The following FANCB variants were observed in gnomAD, a reference collection of about 807,000 sequenced individuals.
FANCB encodes Fanconi anemia group B protein.
FANCB carries 5 observed loss-of-function variants against 38.9 expected under a neutral mutation model. That is an observed-to-expected ratio of 0.13 (90% CI 0.07 to 0.27). The LOEUF is 0.27. Ranked by LOEUF, FANCB falls within the 10% of genes least tolerant of loss-of-function variation. The pLI is 1.00. For synonymous variants in FANCB, 236 were observed against 215.4 expected, an observed-to-expected ratio of 1.10 and a Z score of -0.84; for missense variants, 573 against 602.7, an observed-to-expected ratio of 0.95 and a Z score of 0.52.
chrX:14,841,276 G>A (rs1163919661), downstream of FANCB, among the ~76,000 whole-genome samples: 1 of 111,637 alleles, frequency 9.0e-6, no homozygotes, highest in Non-Finnish European at 1.9e-5. Context: ...TAGAAGACAA[G>A]GAAGAAAATG....
At chrX:14,811,983 T>A in the FANCB span, among the ~76,000 whole-genome samples, 276 of 111,744 alleles carry the variant, frequency 2.5e-3, no homozygotes, top group African/African-American at 8.7e-3. Flanking sequence ...CACAGTGCAA[T>A]CAAACTAGAA....
chrX:14,704,572 A>C, the FANCB span, among the ~76,000 whole-genome samples: 1 of 112,172 alleles, frequency 8.9e-6, no homozygotes, highest in African/African-American at 3.2e-5. Context: ...TGTTTTTAAC[A>C]AGCTGATTTG....
chrX:14,819,877 G>A, the FANCB span, among the ~76,000 whole-genome samples: 2 of 111,360 alleles, frequency 1.8e-5, no homozygotes, highest in Non-Finnish European at 3.8e-5. Flanking sequence ...TCCTAACACT[G>A]CCTGCTTAGT....
At chrX:14,757,560 C>G in the FANCB span, among the ~76,000 whole-genome samples, 1 of 111,833 alleles carries the variant, frequency 8.9e-6, no homozygotes, top group Non-Finnish European at 1.9e-5. Context: ...AAACACAGAC[C>G]CTCACTGGGG....
chrX:14,868,306 G>C (rs956879896), intron 2 of FANCB, among the ~76,000 whole-genome samples: 8 of 111,650 alleles, frequency 7.2e-5, no homozygotes, highest in Admixed American at 4.7e-4. Context: ...ATCAACCCAA[G>C]TGTCCAACAA....
the FANCB span, among the ~76,000 whole-genome samples, chrX:14,814,531 A>G: frequency 3.6e-5 from 4 of 112,620 alleles, no homozygotes; most frequent in African/African-American, 1.3e-4. Flanking sequence ...GACACTTTTC[A>G]AAAGAAGACA....
downstream of FANCB, among the ~76,000 whole-genome samples, chrX:14,831,884 T>A: frequency 9.0e-6 from 1 of 110,779 alleles, no homozygotes; most frequent in South Asian, 3.9e-4. Context: ...AATGGTAGCA[T>A]GAAATAGGGA....
the FANCB span, among the ~76,000 whole-genome samples, chrX:14,773,688 G>T: frequency 4.5e-5 from 5 of 111,764 alleles, no homozygotes; most frequent in African/African-American, 1.6e-4. Flanking sequence ...TAGCAGAATG[G>T]GATTGCTTGG....
the FANCB span, among the ~76,000 whole-genome samples, chrX:14,740,832 T>G: frequency 8.9e-6 from 1 of 111,884 alleles, no homozygotes; most frequent in Non-Finnish European, 1.9e-5. Context: ...CCACCTTGTA[T>G]AAATTAGCAC....
At chrX:14,819,151 A>G in the FANCB span, among the ~76,000 whole-genome samples, 5 of 112,160 alleles carry the variant, frequency 4.5e-5, no homozygotes, top group Admixed American at 1.9e-4. Context: ...GCTAGTGGTT[A>G]TGCATTAGGC....
chrX:14,812,169 G>A, the FANCB span, among the ~76,000 whole-genome samples: 1 of 109,949 alleles, frequency 9.1e-6, no homozygotes, highest in African/African-American at 3.3e-5. Context: ...AAAGCAGTGT[G>A]TAGAGGGAAA....
the FANCB span, among the ~76,000 whole-genome samples, chrX:14,708,636 G>A: frequency 9.0e-6 from 1 of 111,554 alleles, no homozygotes; most frequent in East Asian, 2.8e-4. Context: ...CACACAGCTG[G>A]GAGAAAAGAG....
the FANCB span, chrX:14,730,408 T>C: frequency 4.2e-6 from 5 of 1,203,995 alleles, no homozygotes; most frequent in Non-Finnish European, 5.6e-6. Flanking sequence ...TGCCTTCCCA[T>C]TGGCCTTCCT....
At chrX:14,835,026 A>G, downstream of FANCB, 1 of 589,984 alleles carries the variant, frequency 1.7e-6, no homozygotes, top group African/African-American at 2.2e-5. Context: ...CAACTGTAAG[A>G]GCGCTGGTGG....
At chrX:14,831,097 C>T (rs142265079), downstream of FANCB, among the ~76,000 whole-genome samples, 1 of 112,107 alleles carries the variant, frequency 8.9e-6, no homozygotes, top group Non-Finnish European at 1.9e-5. Context: ...GAATGAAGTA[C>T]AAGCTCCTTA....
At chrX:14,812,480 G>T in the FANCB span, among the ~76,000 whole-genome samples, 1 of 111,930 alleles carries the variant, frequency 8.9e-6, no homozygotes, top group African/African-American at 3.2e-5. Flanking sequence ...TGATAAAGGG[G>T]ATATCACCAC....
chrX:14,864,096 C>T (rs1190833425), intron 3 of FANCB, among the ~76,000 whole-genome samples: 1 of 111,070 alleles, frequency 9.0e-6, no homozygotes, highest in East Asian at 2.8e-4. Context: ...GATCACGCCA[C>T]TGCACTCCAA....
the FANCB span, among the ~76,000 whole-genome samples, chrX:14,739,227 T>C: frequency 8.9e-6 from 1 of 112,211 alleles, no homozygotes; most frequent in Non-Finnish European, 1.9e-5. Context: ...CATATTTACA[T>C]AGTGTTTTCA....
the FANCB span, among the ~76,000 whole-genome samples, chrX:14,822,804 A>G: frequency 9.0e-6 from 1 of 111,428 alleles, no homozygotes; most frequent in African/African-American, 3.3e-5. Context: ...GAAAATTCCT[A>G]TTAACTTTAT....
Sources: allele counts gnomAD v4.1 joint callset (sites outside exome capture counted in the v4.1 genomes callset), GRCh38; gene constraint gnomAD v4.1.1; transcripts MANE v1.5; gene names NCBI Gene and HGNC (gene_info 2026-07-23, HGNC 2026-07-21).